MEIS2: variants seen among roughly 807,000 people sequenced by gnomAD.
MEIS2 encodes the protein Meis homeobox 2.
In MEIS2, 9 loss-of-function variants were observed where a neutral mutation model predicts 58.6. The ratio of observed to expected loss-of-function variants is 0.15; its 90% CI spans 0.09 to 0.27. The LOEUF is 0.27. Ranked by LOEUF, MEIS2 falls within the 10% of genes least tolerant of loss-of-function variation. The pLI is 1.00. For missense variants in MEIS2, 427 were observed against 635.0 expected (o/e 0.67, Z 3.52); for synonymous variants, 221 against 228.4 (o/e 0.97, Z 0.29).
intron 9 of MEIS2, among the ~76,000 whole-genome samples, chr15:36,936,806 C>A (rs1302935257): frequency 2.0e-5 from 3 of 152,148 alleles, no homozygotes; most frequent in African/African-American, 7.2e-5. Context: ...ATAGTCAGGA[C>A]TGGATGGATA....
chr15:36,995,171 T>C (rs1043987434), intron 8 of MEIS2, among the ~76,000 whole-genome samples: 1 of 152,238 alleles, frequency 6.6e-6, no homozygotes, highest in African/African-American at 2.4e-5. Flanking sequence ...TCCTCCCTGA[T>C]ATATGGCTGA....
intron 8 of MEIS2, among the ~76,000 whole-genome samples, chr15:37,026,519 A>G (rs1047067180): frequency 6.6e-6 from 1 of 152,236 alleles, no homozygotes; most frequent in African/African-American, 2.4e-5. Context: ...ATAATGTGAT[A>G]ACAGAGGTAT....
chr15:36,925,012 C>T (rs1345834369), intron 9 of MEIS2, among the ~76,000 whole-genome samples: 2 of 152,146 alleles, frequency 1.3e-5, no homozygotes, highest in Non-Finnish European at 2.9e-5. Context: ...GCAAGACCGC[C>T]CGGGCAGCAC....
intron 8 of MEIS2, among the ~76,000 whole-genome samples, chr15:36,982,369 CTT>C (rs2059955910): frequency 6.6e-6 from 1 of 152,240 alleles, no homozygotes; most frequent in Admixed American, 6.5e-5. Flanking sequence ...GAGTTTAACT[CTT>C]TTAGTATCCA....
At chr15:36,967,976 C>T (rs2059411534) in intron 8 of MEIS2, among the ~76,000 whole-genome samples, 1 of 152,146 alleles carries the variant, frequency 6.6e-6, no homozygotes, top group Middle Eastern at 3.2e-3. Flanking sequence ...ATTGCCGCTG[C>T]AATCATGGAG....
Position 36,915,860 on chromosome 15 carries a change from T to G in MEIS2, c.978-19174A>C, listed in dbSNP as rs569565034. ...AAATTCAGGGCAAATGTTGTAAAGATGAGGATGCTTAGGAGGACAGCAAAA... is the reference window on the plus strand; with the variant it reads ...AAATTCAGGGCAAATGTTGTAAAGAGGAGGATGCTTAGGAGGACAGCAAAA... On this transcript the variant is annotated intron_variant, in intron 9 of 11. Transcript: ENST00000561208. Among the ~76,000 whole-genome samples the G allele has an allele frequency of 2.0e-5, 3 of 152,296 alleles. No homozygotes were observed. In the East Asian group the frequency reaches 5.8e-4, roughly 29 times the overall value.
At chr15:37,059,618 C>T (rs1022182235) in intron 7 of MEIS2, among the ~76,000 whole-genome samples, 7 of 150,616 alleles carry the variant, frequency 4.6e-5, no homozygotes, top group African/African-American at 1.7e-4. Flanking sequence ...AAGTGTACTG[C>T]CTTCTTTTTT....
At chr15:36,957,814 A>C (rs1217726828) in intron 8 of MEIS2, among the ~76,000 whole-genome samples, 1 of 152,214 alleles carries the variant, frequency 6.6e-6, no homozygotes, top group Non-Finnish European at 1.5e-5. Flanking sequence ...GTTTCCTGAC[A>C]GAAAGGACTG....
At chr15:36,987,299 T>C (rs573124171) in intron 8 of MEIS2, among the ~76,000 whole-genome samples, 6 of 151,838 alleles carry the variant, frequency 4.0e-5, no homozygotes, top group Admixed American at 3.3e-4. Context: ...TCGCAGCTAC[T>C]TGGGAGGCTA....
At chr15:37,029,697 C>T (rs148878255) in intron 8 of MEIS2, among the ~76,000 whole-genome samples, 3 of 152,246 alleles carry the variant, frequency 2.0e-5, no homozygotes, top group East Asian at 3.9e-4. Context: ...CTGTGCAGCA[C>T]GTTACAGTTT....
At chr15:36,972,138 TC>T (rs1194642082) in intron 8 of MEIS2, among the ~76,000 whole-genome samples, 2 of 152,146 alleles carry the variant, frequency 1.3e-5, no homozygotes, top group African/African-American at 4.8e-5. Flanking sequence ...TTCATGATGT[TC>T]CGTTATGCTG....
chr15:36,959,931 G>A (rs1473541267), intron 8 of MEIS2, among the ~76,000 whole-genome samples: 1 of 152,012 alleles, frequency 6.6e-6, no homozygotes, highest in Non-Finnish European at 1.5e-5. Flanking sequence ...TACTTAACAG[G>A]TCCAGACACA....
In MEIS2 at chr15:37,096,481, G is replaced by A. The variant is rs776494710; in HGVS notation, c.246-51C>T. ...ACACACACAGAGACGGGGTGCAGAG[G>A]GGAAGGAGCAAGAACTGTAATCAAC... On this transcript the variant is annotated intron_variant, in intron 2 of 11. Transcript: ENST00000561208. 54 of 1,588,906 alleles carry A rather than the reference G, an allele frequency of 3.4e-5. 1 individual carries two copies. In the African/African-American group the frequency reaches 6.7e-4, roughly 20 times the overall value.
rs568016364 is a variant in MEIS2 at position 37,095,625 on chromosome 15, CAG to C, written c.388-13_388-12del. 253 of 1,614,150 alleles carry C rather than the reference CAG, an allele frequency of 1.6e-4. 1 individual carries two copies. In the African/African-American group the frequency reaches 2.9e-3, roughly 19 times the overall value. On this transcript the variant is annotated splice_polypyrimidine_tract_variant and intron_variant, in intron 3 of 11. Coordinates refer to ENST00000561208, the MANE Select transcript of MEIS2 (RefSeq NM_170675.5). ...CTTTTCGGCGCGAACCTGTAAGAAA[CAG>C]AGAGTCAACTTGAACGATCACCCCA...
At chr15:36,900,305 T>C (rs536467764) in intron 9 of MEIS2, among the ~76,000 whole-genome samples, 28 of 152,320 alleles carry the variant, frequency 1.8e-4, no homozygotes, top group African/African-American at 6.3e-4. Context: ...TTTAAAGGGC[T>C]ACACATAATT....
chr15:37,018,713 T>A (rs1477649998), intron 8 of MEIS2, among the ~76,000 whole-genome samples: 1 of 152,198 alleles, frequency 6.6e-6, no homozygotes, highest in Non-Finnish European at 1.5e-5. Flanking sequence ...AAAAATTCCC[T>A]TATAATGTAC....
chr15:37,073,255 G>A (rs560896296), intron 7 of MEIS2, among the ~76,000 whole-genome samples: 2 of 152,112 alleles, frequency 1.3e-5, no homozygotes, highest in East Asian at 3.9e-4. Flanking sequence ...ATTGCTGCTT[G>A]GAAGTGGCAG....
chr15:37,043,488 C>T (rs1302767065), intron 7 of MEIS2, among the ~76,000 whole-genome samples: 2 of 151,896 alleles, frequency 1.3e-5, no homozygotes, highest in East Asian at 3.9e-4. Flanking sequence ...TATTTTAAAC[C>T]TAAATTTATG....
At chr15:36,991,022 C>T (rs1412789470) in intron 8 of MEIS2, among the ~76,000 whole-genome samples, 1 of 151,980 alleles carries the variant, frequency 6.6e-6, no homozygotes, top group African/African-American at 2.4e-5. Flanking sequence ...TCAGCTTTAC[C>T]TCATGAAAGC....
Sources: allele counts gnomAD v4.1 joint callset (sites outside exome capture counted in the v4.1 genomes callset), GRCh38; gene constraint gnomAD v4.1.1; transcripts MANE v1.5; gene names NCBI Gene and HGNC (gene_info 2026-07-23, HGNC 2026-07-21).